Variants in NEGR1 observed in about 807,000 individuals in gnomAD.
NEGR1 encodes the protein neuronal growth regulator 1, also known as IgLON family member 4.
NEGR1 carries 10 observed loss-of-function variants against 40.9 expected under a neutral mutation model. The ratio of observed to expected loss-of-function variants is 0.24; its 90% CI spans 0.15 to 0.42. The LOEUF is 0.42. Ranked by LOEUF, NEGR1 falls within the 10% of genes least tolerant of loss-of-function variation. The pLI, the probability that NEGR1 is intolerant of heterozygous loss-of-function variation, is 1.00. For synonymous variants in NEGR1, 185 were observed against 166.8 expected (o/e 1.11, Z -0.84); for missense variants, 352 against 438.9 (o/e 0.80, Z 1.77).
rs1161003232 is a variant in NEGR1 at position 71,396,700 on chromosome 1, T to C, written c.*10746A>G. On this transcript the variant is annotated 3_prime_UTR_variant, in exon 7 of 7. Coordinates refer to ENST00000357731, the MANE Select transcript of NEGR1 (RefSeq NM_173808.3). ...GAGTAAGTCTCATGAGATCTGATGG[T>C]TTTATAAGCGGGAGTTTTCCTTCAC... The C allele has an allele frequency of 6.5e-6, 1 of 153,328 alleles. No individual in the cohort carries two copies. The highest frequency in any genetic ancestry group is 2.4e-5 in the African/African-American group (1 of 41,458). The allele number at this position is 153,328 out of a possible 1,614,324, so 9.5% of individuals were successfully genotyped here.
chr1:71,454,073 A>T (rs1272145742), intron 6 of NEGR1, among the ~76,000 whole-genome samples: 2 of 152,168 alleles, frequency 1.3e-5, no homozygotes, highest in Admixed American at 6.5e-5. Context: ...TTTTGAACTT[A>T]AATCTTTTTC....
At chr1:72,234,395 A>C (rs1570155723) in intron 1 of NEGR1, among the ~76,000 whole-genome samples, 1 of 152,102 alleles carries the variant, frequency 6.6e-6, no homozygotes, top group Admixed American at 6.6e-5. Flanking sequence ...GCCAAAAGCA[A>C]TTGCAACAAT....
chr1:71,552,217 T>C (rs1224950875), intron 6 of NEGR1, among the ~76,000 whole-genome samples: 2 of 151,392 alleles, frequency 1.3e-5, no homozygotes, highest in African/African-American at 4.8e-5. Flanking sequence ...TTAGCAAGAA[T>C]ATTATTAGAT....
In NEGR1 at chr1:72,179,794, G is replaced by T. The variant is rs1044445284; in HGVS notation, c.176+102525C>A. ...CAAGAAAACAGTCCTATTAACAATA[G>T]CTTAAAAAAAACCCTAGGAATAAAT... is the stretch of plus-strand genomic sequence containing the variant. On this transcript the variant is annotated intron_variant, in intron 1 of 6. Coordinates refer to ENST00000357731, the MANE Select transcript of NEGR1 (RefSeq NM_173808.3). 2.6e-5 allele frequency among the ~76,000 whole-genome samples: 4 copies of T among 151,352 alleles called. No homozygotes were observed. In the South Asian group the frequency reaches 8.3e-4, roughly 32 times the overall value.
At chr1:71,484,204 A>G (rs1444694294) in intron 6 of NEGR1, among the ~76,000 whole-genome samples, 1 of 151,466 alleles carries the variant, frequency 6.6e-6, no homozygotes, top group African/African-American at 2.4e-5. Context: ...GATTTCGAAC[A>G]CTCTAAAAGT....
At chr1:72,093,225 G>A (rs888485156) in intron 1 of NEGR1, among the ~76,000 whole-genome samples, 5 of 151,138 alleles carry the variant, frequency 3.3e-5, no homozygotes, top group Non-Finnish European at 5.9e-5. Context: ...CTGCTAGCTG[G>A]TAGGCTGAGG....
At chr1:72,148,478 G>C (rs775578958) in intron 1 of NEGR1, among the ~76,000 whole-genome samples, 1 of 151,950 alleles carries the variant, frequency 6.6e-6, no homozygotes, top group Non-Finnish European at 1.5e-5. Context: ...TAGGCTCCTT[G>C]TTACTTATGC....
At chr1:71,538,368 T>C (rs757422126) in intron 6 of NEGR1, among the ~76,000 whole-genome samples, 1 of 151,758 alleles carries the variant, frequency 6.6e-6, no homozygotes, top group Non-Finnish European at 1.5e-5. Context: ...TTTATCTTTA[T>C]GTTATTATAC....
intron 3 of NEGR1, among the ~76,000 whole-genome samples, chr1:71,718,833 C>A (rs751981445): frequency 3.3e-5 from 5 of 152,120 alleles, no homozygotes; most frequent in Admixed American, 6.6e-5. Context: ...TCTTATATTT[C>A]ATTCTCTTTC....
intron 2 of NEGR1, among the ~76,000 whole-genome samples, chr1:71,906,697 A>C (rs566676542): frequency 6.6e-6 from 1 of 152,282 alleles, no homozygotes; most frequent in East Asian, 1.9e-4. Flanking sequence ...AGCATTCACT[A>C]GACGCATATG....
At chr1:71,651,195 G>A (rs914432123) in intron 4 of NEGR1, among the ~76,000 whole-genome samples, 1 of 152,118 alleles carries the variant, frequency 6.6e-6, no homozygotes, top group African/African-American at 2.4e-5. Context: ...AAGAATAACA[G>A]TGACCTATAT....
At chr1:71,526,565 G>C (rs1280288601) in intron 6 of NEGR1, among the ~76,000 whole-genome samples, 1 of 151,396 alleles carries the variant, frequency 6.6e-6, no homozygotes, top group African/African-American at 2.4e-5. Flanking sequence ...AGTCATCCTT[G>C]TTTCACTCTC....
At chr1:71,448,057 G>T (rs1249001239) in intron 6 of NEGR1, among the ~76,000 whole-genome samples, 1 of 152,180 alleles carries the variant, frequency 6.6e-6, no homozygotes, top group Non-Finnish European at 1.5e-5. Flanking sequence ...TTAAGAGAAA[G>T]ACTGTATAAA....
At chr1:72,102,624 T>C (rs1281721813) in intron 1 of NEGR1, among the ~76,000 whole-genome samples, 1 of 152,102 alleles carries the variant, frequency 6.6e-6, no homozygotes, top group Non-Finnish European at 1.5e-5. Context: ...AGGTTTTTGC[T>C]ATCTGCATAC....
intron 2 of NEGR1, among the ~76,000 whole-genome samples, chr1:71,929,206 C>G (rs1034455051): frequency 7.9e-5 from 12 of 151,990 alleles, no homozygotes; most frequent in Non-Finnish European, 1.5e-4. Flanking sequence ...ACACCTACTC[C>G]TAGTTTTTAC....
intron 1 of NEGR1, among the ~76,000 whole-genome samples, chr1:71,975,868 C>A (rs1646298379): frequency 1.3e-5 from 2 of 152,318 alleles, no homozygotes. Flanking sequence ...ACCATATAGT[C>A]AAATTCACCT....
chr1:71,421,228 G>T (rs556684114), intron 6 of NEGR1: 1 of 152,100 alleles, frequency 6.6e-6, no homozygotes, highest in African/African-American at 2.4e-5. Context: ...AAAAGAGTAG[G>T]CATCTACAAC....
chr1:72,063,884 C>CT (rs1210182129), intron 1 of NEGR1, among the ~76,000 whole-genome samples: 1 of 151,588 alleles, frequency 6.6e-6, no homozygotes, highest in African/African-American at 2.4e-5. Context: ...AGAGAACCCC[C>CT]CTGTAAGATG....
At chr1:71,523,151 G>A (rs1213470116) in intron 6 of NEGR1, among the ~76,000 whole-genome samples, 1 of 151,862 alleles carries the variant, frequency 6.6e-6, no homozygotes, top group Non-Finnish European at 1.5e-5. Flanking sequence ...TCTTCTTGGA[G>A]CCAATGAGCA....
Sources: gnomAD v4.1 joint callset for allele counts (sites outside exome capture counted in the v4.1 genomes callset) on GRCh38, gnomAD v4.1.1 for gene constraint, MANE v1.5 for transcripts, NCBI Gene and HGNC (gene_info 2026-07-23, HGNC 2026-07-21) for gene names.